The following FOXN3 variants were observed in gnomAD, a reference collection of about 807,000 sequenced individuals.
FOXN3 encodes forkhead box protein N3.
A neutral mutation model predicts 38.4 loss-of-function variants in FOXN3; 7 were observed. The observed-to-expected ratio is 0.18, with a 90% CI of 0.10 to 0.34. The LOEUF (loss-of-function observed/expected upper bound fraction) is 0.34, where lower values mean the gene tolerates loss of function less well. Among genes scored for constraint, FOXN3 ranks in the 10% least tolerant of loss-of-function variants. The pLI is 1.00. For missense variants in FOXN3, 456 were observed against 613.4 expected (o/e 0.74, Z 2.71); for synonymous variants, 230 against 242.2 (o/e 0.95, Z 0.47).
chr14:89,436,289 TAA>T (rs77915176), intron 1 of FOXN3, among the ~76,000 whole-genome samples: 3 of 134,804 alleles, frequency 2.2e-5, no homozygotes, highest in African/African-American at 5.5e-5. Context: ...GTTTATTCAT[TAA>T]AAAAAAAAAA....
At chr14:89,166,519 G>A (rs1887247052) in intron 5 of FOXN3, among the ~76,000 whole-genome samples, 1 of 152,126 alleles carries the variant, frequency 6.6e-6, no homozygotes, top group Non-Finnish European at 1.5e-5. Flanking sequence ...TGTTGAGTGG[G>A]GTGGCCCGGA....
intron 3 of FOXN3, among the ~76,000 whole-genome samples, chr14:89,328,622 T>C (rs1888147504): frequency 6.6e-6 from 1 of 152,178 alleles, no homozygotes; most frequent in South Asian, 2.1e-4. Flanking sequence ...ACTGGATGAA[T>C]AGGAGAAGAG....
chr14:89,453,109 G>T (rs1892647987), intron 1 of FOXN3, among the ~76,000 whole-genome samples: 1 of 152,124 alleles, frequency 6.6e-6, no homozygotes, highest in African/African-American at 2.4e-5. Flanking sequence ...TGAGGCAGGA[G>T]AATCACTTGA....
At chr14:89,345,003 G>C (rs938091560) in intron 3 of FOXN3, among the ~76,000 whole-genome samples, 16 of 152,082 alleles carry the variant, frequency 1.1e-4, no homozygotes, top group African/African-American at 3.9e-4. Context: ...AGATTCCGAA[G>C]GCCCCACGCC....
chr14:89,490,658 C>A (rs763234143), intron 1 of FOXN3, among the ~76,000 whole-genome samples: 9 of 152,160 alleles, frequency 5.9e-5, no homozygotes, highest in Non-Finnish European at 1.0e-4. Context: ...CTGGTTTGTT[C>A]CATGAGTTTA....
intron 2 of FOXN3, among the ~76,000 whole-genome samples, chr14:89,381,011 G>T: frequency 6.6e-6 from 1 of 151,798 alleles, no homozygotes; most frequent in South Asian, 2.1e-4. Context: ...GTGTGGTGGC[G>T]TGTGCCCATA....
rs1381680346 is a variant in FOXN3, at chr14:89,410,365, G to A, written c.543+1569C>T. 2.6e-5 allele frequency among the ~76,000 whole-genome samples: 4 copies of A among 152,140 alleles called. No homozygotes were observed. The East Asian group carries it at 5.8e-4, about 22-fold the overall frequency. On this transcript the variant is annotated intron_variant, in intron 2 of 5. Transcript: ENST00000557258. Reference sequence around the variant, plus strand: ...GCCCGAACCTGAACTTCAAAAAGAGGGAGAACCAGCACCCCAGCTGCACAC... The same window carrying A: ...GCCCGAACCTGAACTTCAAAAAGAGAGAGAACCAGCACCCCAGCTGCACAC...
chr14:89,472,195 C>A (rs549487775), intron 1 of FOXN3, among the ~76,000 whole-genome samples: 6 of 150,438 alleles, frequency 4.0e-5, no homozygotes, highest in African/African-American at 7.3e-5. Flanking sequence ...GCGGAGGTTG[C>A]GGTGAGCTGA....
rs115162104 is a variant in FOXN3 at position 89,427,793 on chromosome 14, T to C, written c.-14-15303A>G. 4.0e-3 allele frequency among the ~76,000 whole-genome samples: 610 copies of C among 152,216 alleles called. 6 individuals carry two copies. Among genetic ancestry groups the C allele is most frequent in the Non-Finnish European group, 3.7e-3 (249 of 68,012 alleles). On this transcript the variant is annotated intron_variant, in intron 1 of 6. Transcript: ENST00000345097. ...GGGCAAGGGACTCTGTTTTCTCTTC[T>C]GCTCATAGCACATGGCACAGTGGTA... is the stretch of plus-strand genomic sequence containing the variant.
At position 89,317,802 on chromosome 14, in the gene FOXN3, C is replaced by T. The variant is rs1448438458; in HGVS notation, c.680+32870G>A. Among the ~76,000 whole-genome samples, 5 of 151,686 alleles carry T rather than the reference C, an allele frequency of 3.3e-5. No individual in the cohort carries two copies. In the East Asian group the frequency reaches 5.8e-4, roughly 18 times the overall value. ...TGCACAGCAGGAGGTGAGCGGCAGG[C>T]GAGCAGGCATTACTGCCTGACTTCG... On this transcript the variant is annotated intron_variant, in intron 3 of 5. Transcript: ENST00000557258.
chr14:89,342,189 C>T (rs918385361), intron 3 of FOXN3, among the ~76,000 whole-genome samples: 3 of 152,136 alleles, frequency 2.0e-5, no homozygotes, highest in African/African-American at 4.8e-5. Flanking sequence ...CTCTCAGTCA[C>T]GAGTTTGACT....
intron 3 of FOXN3, among the ~76,000 whole-genome samples, chr14:89,323,301 A>AAAG (rs1887947002): frequency 1.6e-4 from 23 of 142,924 alleles, no homozygotes; most frequent in African/African-American, 5.0e-4. Context: ...AAAAAAAAAA[A>AAAG]AAAGAAAGAA....
Position 89,164,893 on chromosome 14 carries a change from C to T in FOXN3, c.852-1924G>A, listed in dbSNP as rs1472172065. On this transcript the variant is annotated intron_variant, in intron 5 of 5. Transcript: ENST00000557258. The surrounding 1 kb of genome is among the most constrained non-coding windows in gnomAD (Gnocchi z 4.3). Reference sequence around the variant, plus strand: ...AGTGAAAGGGGAAGGGAAAGAGTCCCTAATGAAAAGGGTGCAGTAGGGAGT... The same window carrying T: ...AGTGAAAGGGGAAGGGAAAGAGTCCTTAATGAAAAGGGTGCAGTAGGGAGT... Among the ~76,000 whole-genome samples, 1 of 151,902 alleles carries T rather than the reference C, an allele frequency of 6.6e-6. No homozygotes were observed. The highest frequency in any genetic ancestry group is 2.4e-5 in the African/African-American group (1 of 41,356).
intron 2 of FOXN3, among the ~76,000 whole-genome samples, chr14:89,379,046 G>A (rs190484464): frequency 3.3e-5 from 5 of 152,298 alleles, no homozygotes; most frequent in Admixed American, 2.0e-4. Flanking sequence ...TGAGAATAGA[G>A]GGTCAGGGCC....
intron 3 of FOXN3, among the ~76,000 whole-genome samples, chr14:89,305,328 G>A (rs1404856812): frequency 6.6e-6 from 1 of 152,182 alleles, no homozygotes; most frequent in African/African-American, 2.4e-5. Context: ...TTCATCTTAA[G>A]AGCCCTTGAG....
At chr14:89,421,148 T>TC (rs1491443156), upstream of FOXN3, among the ~76,000 whole-genome samples, 5 of 42,992 alleles carry the variant, frequency 1.2e-4, no homozygotes, top group East Asian at 4.2e-4. Context: ...TTTCTTTCTT[T>TC]TTTTTTTTTT....
In FOXN3 at chr14:89,613,002, A is replaced by T. The variant is rs148425128; in HGVS notation, c.-15+6026T>A. On this transcript the variant is annotated intron_variant, in intron 1 of 6. Coordinates refer to the FOXN3 transcript ENST00000345097. Reference sequence around the variant, plus strand: ...CGTGGTGGCACGCACCTGTAATCCCAGCTACTCAGGAGGCTGAGGCAGGAG... The same window carrying T: ...CGTGGTGGCACGCACCTGTAATCCCTGCTACTCAGGAGGCTGAGGCAGGAG... 7.1e-3 allele frequency among the ~76,000 whole-genome samples: 1,070 copies of T among 151,372 alleles called. 19 individuals are homozygous for T. Among genetic ancestry groups the T allele is most frequent in the African/African-American group, 0.025 (1,030 of 41,146 alleles).
intron 2 of FOXN3, among the ~76,000 whole-genome samples, chr14:89,366,270 A>AAG (rs1890144699): frequency 6.6e-6 from 1 of 151,768 alleles, no homozygotes; most frequent in South Asian, 2.1e-4. Context: ...GAAAAAAAAA[A>AAG]AAACTTTATT....
At chr14:89,387,847 C>A (rs369479129) in intron 2 of FOXN3, among the ~76,000 whole-genome samples, 2 of 152,164 alleles carry the variant, frequency 1.3e-5, no homozygotes, top group Admixed American at 1.3e-4. Flanking sequence ...CACCCACCTG[C>A]GTCTAGCAGC....
Sources: gnomAD v4.1 joint callset for allele counts (sites outside exome capture counted in the v4.1 genomes callset) on GRCh38, gnomAD v4.1.1 for gene constraint, Gnocchi (gnomAD v3.1) non-coding constraint, MANE v1.5 for transcripts, NCBI Gene and HGNC (gene_info 2026-07-23, HGNC 2026-07-21) for gene names.